AR: variants seen among roughly 807,000 people sequenced by gnomAD.
The protein encoded by AR is androgen receptor, also known as dihydrotestosterone receptor.
A neutral mutation model predicts 53.9 loss-of-function variants in AR; 8 were observed. The ratio of observed to expected loss-of-function variants is 0.15; its 90% CI spans 0.09 to 0.27. The LOEUF (loss-of-function observed/expected upper bound fraction) is 0.27, where lower values mean the gene tolerates loss of function less well. Among genes scored for constraint, AR ranks in the 10% least tolerant of loss-of-function variants. The probability of loss-of-function intolerance (pLI) is 1.00; values close to 1 mark genes in which losing one functional copy is unlikely to be tolerated. For synonymous variants in AR, 359 were observed against 316.4 expected, an observed-to-expected ratio of 1.13 and a Z score of -1.43; for missense variants, 639 against 742.5, an observed-to-expected ratio of 0.86 and a Z score of 1.62.
At chrX:67,607,178 C>T (rs764172768) in intron 1 of AR, among the ~76,000 whole-genome samples, 16 of 111,026 alleles carry the variant, frequency 1.4e-4, no homozygotes, top group Non-Finnish European at 2.5e-4. Context: ...TAGAATCATG[C>T]GCCACCACAC....
chrX:67,594,653 A>G (rs1371523627), intron 1 of AR, among the ~76,000 whole-genome samples: 1 of 111,914 alleles, frequency 8.9e-6, no homozygotes, highest in Non-Finnish European at 1.9e-5. Context: ...TAATAAGCCA[A>G]TGAAAAACTC....
intron 2 of AR, among the ~76,000 whole-genome samples, chrX:67,662,106 T>C (rs1444448621): frequency 1.8e-5 from 2 of 111,538 alleles, no homozygotes; most frequent in African/African-American, 3.3e-5. Context: ...GTCTTGCTAG[T>C]GGTCTATCAA....
chrX:67,632,348 G>T (rs985554763), intron 1 of AR, among the ~76,000 whole-genome samples: 2 of 105,983 alleles, frequency 1.9e-5, no homozygotes, highest in Non-Finnish European at 2.0e-5. Flanking sequence ...CTGGTGCGCC[G>T]TTTTTTAAGC....
rs774046857 is a variant in AR, at chrX:67,695,559, A to T, written c.1885+9433A>T. Reference sequence around the variant, plus strand: ...AATATTGTATTGATGTCAAAGAAGAATCACTTAGAGTTTGGAATATCTTGT... The same window carrying T: ...AATATTGTATTGATGTCAAAGAAGATTCACTTAGAGTTTGGAATATCTTGT... On this transcript the variant is annotated intron_variant, in intron 3 of 7. Coordinates refer to ENST00000374690, the MANE Select transcript of AR (RefSeq NM_000044.6). 6.8e-5 allele frequency: 51 copies of T among 752,009 alleles called. 1 individual carries two copies. In the South Asian group the frequency reaches 2.3e-3, roughly 33 times the overall value. The allele number at this position is 752,009 out of a possible 1,213,427, so 62.0% of individuals were successfully genotyped here.
At chrX:67,582,695 G>T (rs992152055) in intron 1 of AR, among the ~76,000 whole-genome samples, 4 of 111,093 alleles carry the variant, frequency 3.6e-5, no homozygotes, top group African/African-American at 1.3e-4. Flanking sequence ...TCCTATTCCT[G>T]GACATTATGA....
intron 3 of AR, among the ~76,000 whole-genome samples, chrX:67,693,340 G>A (rs2076004657): frequency 8.9e-6 from 1 of 111,864 alleles, no homozygotes; most frequent in Non-Finnish European, 1.9e-5. Context: ...AAGGTAGTAG[G>A]CAGAAAACTG....
chrX:67,590,487 T>C (rs1480692000), intron 1 of AR, among the ~76,000 whole-genome samples: 1 of 112,054 alleles, frequency 8.9e-6, no homozygotes, highest in Non-Finnish European at 1.9e-5. Context: ...CTCACAGATA[T>C]TGATAATAAT....
At chrX:67,583,713 A>C (rs1351285921) in intron 1 of AR, among the ~76,000 whole-genome samples, 1 of 112,129 alleles carries the variant, frequency 8.9e-6, no homozygotes, top group Non-Finnish European at 1.9e-5. Flanking sequence ...CATAAAAAAA[A>C]ACAATTAGGA....
chrX:67,642,046 A>C (rs776937487), intron 1 of AR, among the ~76,000 whole-genome samples: 1 of 111,086 alleles, frequency 9.0e-6, no homozygotes, highest in South Asian at 3.8e-4. Context: ...TGGATATTAA[A>C]ATGAGAAAAT....
chrX:67,655,991 C>T (rs1401417596), intron 2 of AR, among the ~76,000 whole-genome samples: 1 of 111,686 alleles, frequency 9.0e-6, no homozygotes, highest in Non-Finnish European at 1.9e-5. Flanking sequence ...TATTTTTGGA[C>T]ATGGATAGCT....
chrX:67,701,591 A>G (rs185682130), intron 3 of AR, among the ~76,000 whole-genome samples: 1 of 111,428 alleles, frequency 9.0e-6, no homozygotes. Flanking sequence ...AGGTGTGTGT[A>G]TGCACGCTTG....
In AR at chrX:67,545,493, C is replaced by T. The variant is rs868474062; in HGVS notation, c.347C>T (p.Pro116Leu). The stretch of plus-strand genomic sequence containing the variant: ...CTGGTCCTGGATGAGGAACAGCAAC[C>T]TTCACAGCCGCAGTCGGCCCTGGAG... ...GYLVLDEEQQ[P>L]SQPQSALECH... The change falls in exon 1 of 8, where the codon CCT (proline) becomes CTT (leucine). Residue 116 changes from proline to leucine, a missense_variant. Pro to Leu is a moderately conservative substitution (Grantham distance 98). This residue lies in a region of AR where 423 missense variants were observed against 377.0 expected (regional missense o/e 1.12). Coordinates refer to ENST00000374690, the MANE Select transcript of AR (RefSeq NM_000044.6). The T allele has an allele frequency of 8.4e-7, 1 of 1,197,368 alleles. No individual in the cohort carries two copies. Among genetic ancestry groups the T allele is most frequent in the Non-Finnish European group, 1.1e-6 (1 of 888,409 alleles).
In AR at chrX:67,721,950, A is replaced by G. The variant is rs755052005; in HGVS notation, c.2436A>G (p.Leu812=). The change falls in exon 6 of 8, where the codon CTA becomes CTG. Residue 812 remains leucine, a synonymous_variant. Transcript: ENST00000374690. ...PQEFLCMKAL[L]LFSIIPVDGL... is the part of the protein sequence containing the mutation. The stretch of plus-strand genomic sequence containing the variant: ...AATTCCTGTGCATGAAAGCACTGCT[A>G]CTCTTCAGCATTAGTAAGTGCCTAG... The G allele has an allele frequency of 8.3e-7, 1 of 1,210,841 alleles. No individual in the cohort carries two copies. Among genetic ancestry groups the G allele is most frequent in the Non-Finnish European group, 1.1e-6 (1 of 895,211 alleles).
chrX:67,599,977 ATAT>A (rs1384620077), intron 1 of AR, among the ~76,000 whole-genome samples: 2 of 111,850 alleles, frequency 1.8e-5, no homozygotes, highest in Non-Finnish European at 3.8e-5. Flanking sequence ...ATATACCAAC[ATAT>A]TATATAGTTG....
At chrX:67,584,951 A>G (rs894888740) in intron 1 of AR, among the ~76,000 whole-genome samples, 12 of 111,657 alleles carry the variant, frequency 1.1e-4, no homozygotes, top group African/African-American at 3.9e-4. Flanking sequence ...TCTTTCTTGT[A>G]TAAAAGTGTA....
intron 2 of AR, among the ~76,000 whole-genome samples, chrX:67,647,670 C>T (rs1926118847): frequency 8.9e-6 from 1 of 111,909 alleles, no homozygotes; most frequent in African/African-American, 3.2e-5. Context: ...CATGTTTCTG[C>T]CTCTGATTTT....
At position 67,546,135 on chromosome X, in the gene AR, G is replaced by C. The variant is rs1929718574; in HGVS notation, c.989G>C (p.Ser330Thr). The change falls in exon 1 of 8, where the codon AGC becomes ACC. Residue 330 changes from serine (S) to threonine (T), a missense_variant. By Grantham distance (58) the Ser-to-Thr change is moderately conservative. Transcript: ENST00000374690. ...LEGESLGCSG[S>T]AAAGSSGTLE... is the part of the protein sequence containing the mutation. Reference sequence around the variant, plus strand: ...GGCGAGAGCCTAGGCTGCTCTGGCAGCGCTGCAGCAGGGAGCTCCGGGACA... The same window carrying C: ...GGCGAGAGCCTAGGCTGCTCTGGCACCGCTGCAGCAGGGAGCTCCGGGACA... The C allele has an allele frequency of 8.3e-7, 1 of 1,211,221 alleles. No individual in the cohort carries two copies. Among genetic ancestry groups the C allele is most frequent in the Non-Finnish European group, 1.1e-6 (1 of 895,417 alleles).
At chrX:67,556,531 A>G (rs1242637760) in intron 1 of AR, among the ~76,000 whole-genome samples, 2 of 111,983 alleles carry the variant, frequency 1.8e-5, no homozygotes, top group Non-Finnish European at 3.8e-5. Context: ...AGCATCTACT[A>G]TATGCCAAAT....
intron 3 of AR, chrX:67,695,042 A>C: frequency 3.6e-6 from 3 of 824,508 alleles, no homozygotes; most frequent in Non-Finnish European, 4.4e-6. Context: ...GTTCTTGATC[A>C]CATATGATGG....
Sources: gnomAD v4.1 joint callset for allele counts (sites outside exome capture counted in the v4.1 genomes callset) on GRCh38, gnomAD v4.1.1 for gene constraint, gnomAD v4.1.1 regional missense constraint, MANE v1.5 for transcripts, NCBI Gene and HGNC (gene_info 2026-07-23, HGNC 2026-07-21) for gene names.